The following CSMD1 variants were observed in gnomAD, a reference collection of about 807,000 sequenced individuals.
The protein encoded by CSMD1 is CUB and sushi domain-containing protein 1.
In CSMD1, 213 loss-of-function variants were observed where a neutral mutation model predicts 417.5. The ratio of observed to expected loss-of-function variants is 0.51; its 90% confidence interval spans 0.46 to 0.57. The LOEUF (loss-of-function observed/expected upper bound fraction) is 0.57, where lower values mean the gene tolerates loss of function less well. Ranked by LOEUF, CSMD1 falls within the 20% of genes least tolerant of loss-of-function variation. The pLI, the probability that CSMD1 is intolerant of heterozygous loss-of-function variation, is 0.00. For missense variants in CSMD1, 6,923 were observed against 4,529.7 expected (o/e 1.53, Z -15.17); for synonymous variants, 2,862 against 1,736.8 (o/e 1.65, Z -16.11).
At chr8:4,002,220 T>C (rs1815740107) in intron 4 of CSMD1, among the ~76,000 whole-genome samples, 1 of 151,664 alleles carries the variant, frequency 6.6e-6, no homozygotes, top group Non-Finnish European at 1.5e-5. Flanking sequence ...TGTGTGTGAG[T>C]GTGTGTGCAT....
intron 5 of CSMD1, among the ~76,000 whole-genome samples, chr8:3,836,319 T>G (rs185141294): frequency 1.3e-5 from 2 of 152,266 alleles, no homozygotes; most frequent in Admixed American, 1.3e-4. Flanking sequence ...TTTGCCAGTT[T>G]TGGGTTTACT....
intron 5 of CSMD1, among the ~76,000 whole-genome samples, chr8:3,810,114 T>C (rs1800979083): frequency 6.6e-6 from 1 of 152,158 alleles, no homozygotes; most frequent in Non-Finnish European, 1.5e-5. Context: ...CTTTCTGCCT[T>C]GGTTTGCCAA....
intron 3 of CSMD1, among the ~76,000 whole-genome samples, chr8:4,180,469 C>CAAG: frequency 6.7e-6 from 1 of 150,370 alleles, no homozygotes. Context: ...GGAGATATGC[C>CAAG]TAATGCTAAA....
chr8:4,335,374 T>G (rs539850407), intron 3 of CSMD1, among the ~76,000 whole-genome samples: 1 of 152,240 alleles, frequency 6.6e-6, no homozygotes, highest in South Asian at 2.1e-4. Context: ...AATCTGGATA[T>G]ACACATCTTC....
At chr8:4,122,192 C>T (rs545080296) in intron 3 of CSMD1, among the ~76,000 whole-genome samples, 2 of 152,256 alleles carry the variant, frequency 1.3e-5, no homozygotes, top group African/African-American at 4.8e-5. Flanking sequence ...GTGACTCCAA[C>T]ACCGTGTTAA....
At chr8:3,543,755 C>T (rs904719236) in intron 10 of CSMD1, among the ~76,000 whole-genome samples, 1 of 152,108 alleles carries the variant, frequency 6.6e-6, no homozygotes, top group Admixed American at 6.5e-5. Context: ...CTGTTGGACA[C>T]TTAGTGGAGA....
intron 7 of CSMD1, among the ~76,000 whole-genome samples, chr8:3,625,660 AT>A (rs749539035): frequency 1.4e-4 from 21 of 152,158 alleles, no homozygotes; most frequent in East Asian, 3.9e-4. Context: ...ACTAAAAAAA[AT>A]AACTCTATTG....
At chr8:4,530,201 C>T (rs887966971) in intron 2 of CSMD1, among the ~76,000 whole-genome samples, 3 of 151,964 alleles carry the variant, frequency 2.0e-5, no homozygotes, top group Non-Finnish European at 2.9e-5. Flanking sequence ...GCACGAGCCA[C>T]CGCGCCAGGC....
chr8:4,842,507 C>A (rs959427280), intron 1 of CSMD1, among the ~76,000 whole-genome samples: 6 of 152,160 alleles, frequency 3.9e-5, no homozygotes, highest in African/African-American at 1.4e-4. Context: ...AAATGACTTA[C>A]TAAAAAATGT....
At chr8:3,723,579 C>A (rs7465132) in intron 6 of CSMD1, among the ~76,000 whole-genome samples, 107,198 of 152,014 alleles carry the variant, frequency 0.71, 38,746 homozygotes, top group South Asian at 0.85. Context: ...ATTAGATAGT[C>A]TTTTTGCCAA....
At chr8:3,394,012 T>TTTTATA (rs1491090138) in intron 17 of CSMD1, among the ~76,000 whole-genome samples, 2 of 31,632 alleles carry the variant, frequency 6.3e-5, no homozygotes, top group African/African-American at 1.2e-4. Flanking sequence ...AAAAAATAAA[T>TTTTATA]TATATATATA....
At chr8:3,479,531 C>T (rs1461344023) in intron 11 of CSMD1, among the ~76,000 whole-genome samples, 5 of 152,190 alleles carry the variant, frequency 3.3e-5, no homozygotes, top group African/African-American at 1.2e-4. Flanking sequence ...CTGCCCACCT[C>T]GGCCCCCCAA....
chr8:4,133,009 C>T (rs1209438543), intron 3 of CSMD1, among the ~76,000 whole-genome samples: 2 of 152,184 alleles, frequency 1.3e-5, no homozygotes, highest in East Asian at 1.9e-4. Context: ...TCTCGGCTCA[C>T]TGCAACCTCC....
chr8:3,502,316 G>C (rs1796636864), intron 10 of CSMD1, among the ~76,000 whole-genome samples: 2 of 146,146 alleles, frequency 1.4e-5, no homozygotes, highest in South Asian at 2.2e-4. Context: ...AGTGAGCTGA[G>C]ATCGCGCCAC....
At chr8:3,589,183 T>G (rs1800734450) in intron 8 of CSMD1, among the ~76,000 whole-genome samples, 1 of 152,046 alleles carries the variant, frequency 6.6e-6, no homozygotes, top group Admixed American at 6.6e-5. Context: ...AGTATAGGGG[T>G]TGCTGAAAAA....
chr8:3,608,725 C>T (rs1196912105), intron 8 of CSMD1, among the ~76,000 whole-genome samples: 1 of 149,740 alleles, frequency 6.7e-6, no homozygotes, highest in Non-Finnish European at 1.5e-5. Flanking sequence ...CATCATGCCA[C>T]TGCACTCCAG....
intron 2 of CSMD1, among the ~76,000 whole-genome samples, chr8:4,545,462 G>C (rs549011111): frequency 6.6e-6 from 1 of 152,070 alleles, no homozygotes; most frequent in Non-Finnish European, 1.5e-5. Context: ...GGAAGGGCTC[G>C]TTTACCTACT....
chr8:4,578,129 C>A (rs754224138), intron 2 of CSMD1, among the ~76,000 whole-genome samples: 1 of 152,012 alleles, frequency 6.6e-6, no homozygotes, highest in Non-Finnish European at 1.5e-5. Context: ...TACTCAAAGT[C>A]CCCCACATCT....
At chr8:4,232,133 A>C (rs1471483546) in intron 3 of CSMD1, among the ~76,000 whole-genome samples, 7 of 152,212 alleles carry the variant, frequency 4.6e-5, no homozygotes, top group Non-Finnish European at 8.8e-5. Flanking sequence ...TCACTTTACT[A>C]TTAGTTTCCT....
Sources: allele counts gnomAD v4.1 joint callset (sites outside exome capture counted in the v4.1 genomes callset), GRCh38; gene constraint gnomAD v4.1.1; transcripts MANE v1.5; gene names NCBI Gene and HGNC (gene_info 2026-07-23, HGNC 2026-07-21).